Variants in LRFN2 observed in about 807,000 individuals in gnomAD.
LRFN2 encodes the protein leucine rich repeat and fibronectin type III domain containing 2.
Under a neutral mutation model 37.3 loss-of-function variants are expected in LRFN2, and 18 were observed. The observed-to-expected ratio is 0.48, with a 90% CI of 0.33 to 0.72. The LOEUF (loss-of-function observed/expected upper bound fraction) is 0.72, where lower values mean the gene tolerates loss of function less well. Ranked by LOEUF, LRFN2 falls within the 30% of genes least tolerant of loss-of-function variation. The pLI, the probability that LRFN2 is intolerant of heterozygous loss-of-function variation, is 0.02. For missense variants in LRFN2, 1,006 were observed against 1,060.7 expected (o/e 0.95, Z 0.72); for synonymous variants, 556 against 466.6 (o/e 1.19, Z -2.47).
chr6:40,541,091 T>C (rs1766547400), intron 1 of LRFN2, among the ~76,000 whole-genome samples: 1 of 152,178 alleles, frequency 6.6e-6, no homozygotes, highest in South Asian at 2.1e-4. Context: ...GGGTGAGTCC[T>C]AATTCTGCCG....
At chr6:40,471,225 G>A (rs1231736239) in intron 1 of LRFN2, among the ~76,000 whole-genome samples, 2 of 152,172 alleles carry the variant, frequency 1.3e-5, no homozygotes, top group Non-Finnish European at 2.9e-5. Context: ...CAGAACTGAA[G>A]CCAGGGTAGA....
At chr6:40,430,161 G>A (rs1186530574) in intron 2 of LRFN2, among the ~76,000 whole-genome samples, 3 of 152,182 alleles carry the variant, frequency 2.0e-5, no homozygotes, top group Admixed American at 6.5e-5. Flanking sequence ...AACTTCCGAT[G>A]CTGCTTTCTC....
intron 2 of LRFN2, among the ~76,000 whole-genome samples, chr6:40,396,200 G>A (rs1762611086): frequency 6.6e-6 from 1 of 152,166 alleles, no homozygotes; most frequent in South Asian, 2.1e-4. Flanking sequence ...GGCCATTATT[G>A]TTATTCTCAT....
chr6:40,446,525 G>T (rs1358010489), intron 1 of LRFN2, among the ~76,000 whole-genome samples: 1 of 152,196 alleles, frequency 6.6e-6, no homozygotes, highest in African/African-American at 2.4e-5. Flanking sequence ...GCTGCTGTGT[G>T]CTGTGTTCAT....
chr6:40,392,680 T>A lies in LRFN2; in HGVS notation c.1633A>T (p.Thr545Ser), dbSNP rs1762538007. Reference sequence around the variant, plus strand: ...AGGATGACGATGAAGACCAGCAGCGTGGCCACGATGATGCCCCCGATGACC... The same window carrying A: ...AGGATGACGATGAAGACCAGCAGCGAGGCCACGATGATGCCCCCGATGACC... ...ILVIGGIIVATLLVFIVILMV... is the reference protein window; with the variant it reads ...ILVIGGIIVASLLVFIVILMV... Residue 545 changes from threonine (T) to serine (S), a missense_variant, in exon 3 of 3, where the codon ACG becomes TCG. Transcript: ENST00000338305. This position sits in a 1 kb window ranked among gnomAD's most constrained non-coding sequence, Gnocchi z 4.7. 1 of 1,613,952 alleles carries A rather than the reference T, an allele frequency of 6.2e-7. No individual in the cohort carries two copies. Among genetic ancestry groups the A allele is most frequent in the Non-Finnish European group, 8.5e-7 (1 of 1,180,024 alleles).
chr6:40,423,894 AGACAGAAG>A (rs1282803224), intron 2 of LRFN2, among the ~76,000 whole-genome samples: 1 of 152,200 alleles, frequency 6.6e-6, no homozygotes, highest in Non-Finnish European at 1.5e-5. Flanking sequence ...TAGGACAGAA[AGACAGAAG>A]GAACTGGGCT....
chr6:40,391,798 AG>A lies in LRFN2; in HGVS notation c.*144del, dbSNP rs1240970597. ...GGAGGTGATGTGGGTGTTGCGGGGT[AG>A]GGGGGGACACGAGGCCATTGACAGG... is the stretch of plus-strand genomic sequence containing the variant. On this transcript the variant is annotated 3_prime_UTR_variant, in exon 3 of 3. Transcript: ENST00000338305. The A allele has an allele frequency of 6.4e-5, 48 of 754,410 alleles. No homozygotes were observed. The highest frequency in any genetic ancestry group is 8.4e-5 in the Non-Finnish European group (43 of 511,220). The allele number at this position is 754,410 out of a possible 1,614,324, so 46.7% of individuals were successfully genotyped here. A position where few individuals can be genotyped will look rare whatever the true frequency, so the allele number is the denominator to read the frequency against.
intron 1 of LRFN2, among the ~76,000 whole-genome samples, chr6:40,501,039 AT>A (rs1765370249): frequency 1.3e-5 from 2 of 151,752 alleles, no homozygotes; most frequent in Non-Finnish European, 2.9e-5. Flanking sequence ...TAAAAATGAC[AT>A]TTTAAAATAA....
At chr6:40,447,754 C>G (rs1333164771) in intron 1 of LRFN2, among the ~76,000 whole-genome samples, 6 of 152,110 alleles carry the variant, frequency 3.9e-5, no homozygotes, top group Non-Finnish European at 8.8e-5. Context: ...TGAGGCCCAT[C>G]AAGGTGTTTA....
chr6:40,425,466 T>C (rs1434474408), intron 2 of LRFN2, among the ~76,000 whole-genome samples: 3 of 152,198 alleles, frequency 2.0e-5, no homozygotes, highest in Admixed American at 1.3e-4. Context: ...CATTTAACTT[T>C]CCATGTCACC....
At chr6:40,577,108 C>CTCTTCTCTTCTCCTCT (rs150002933) in intron 1 of LRFN2, among the ~76,000 whole-genome samples, 1 of 104,682 alleles carries the variant, frequency 9.6e-6, no homozygotes. Flanking sequence ...CTTTTCCTTT[C>CTCTTCTCTTCTCCTCT]TTTTCTTTTT....
chr6:40,513,951 AG>A (rs1753873311), intron 1 of LRFN2, among the ~76,000 whole-genome samples: 1 of 151,998 alleles, frequency 6.6e-6, no homozygotes, highest in Admixed American at 6.5e-5. Context: ...AGCTATCAGG[AG>A]GGGGCCTGGC....
intron 1 of LRFN2, among the ~76,000 whole-genome samples, chr6:40,579,060 C>G (rs920571310): frequency 3.9e-5 from 6 of 152,158 alleles, no homozygotes; most frequent in Non-Finnish European, 7.3e-5. Context: ...TGAAGACTTC[C>G]CAAGCATCAG....
At chr6:40,494,266 C>T (rs1209444157) in intron 1 of LRFN2, among the ~76,000 whole-genome samples, 1 of 152,106 alleles carries the variant, frequency 6.6e-6, no homozygotes, top group African/African-American at 2.4e-5. Flanking sequence ...GGCATTGGAC[C>T]AGATCAGCAC....
At chr6:40,500,934 G>T (rs893730095) in intron 1 of LRFN2, among the ~76,000 whole-genome samples, 1 of 146,508 alleles carries the variant, frequency 6.8e-6, no homozygotes, top group East Asian at 2.0e-4. Context: ...CCTTTTGTAC[G>T]CTTCTGTGTT....
intron 1 of LRFN2, among the ~76,000 whole-genome samples, chr6:40,438,443 C>T (rs1763745386): frequency 6.6e-6 from 1 of 152,160 alleles, no homozygotes; most frequent in African/African-American, 2.4e-5. Context: ...CTTGCCCCAC[C>T]CTACCTTGTG....
At chr6:40,401,353 C>G (rs938550833) in intron 2 of LRFN2, among the ~76,000 whole-genome samples, 4 of 152,066 alleles carry the variant, frequency 2.6e-5, no homozygotes, top group Non-Finnish European at 5.9e-5. Context: ...ATCTCTGGGC[C>G]AGGTCTTCAG....
rs867955839 is a variant in LRFN2 at position 40,432,712 on chromosome 6, G to A, written c.402C>T (p.Asn134=). The A allele has an allele frequency of 3.7e-6, 6 of 1,614,060 alleles. No individual in the cohort carries two copies. Among genetic ancestry groups the A allele is most frequent in the South Asian group, 3.3e-5 (3 of 91,096 alleles). ...CCTCATCTGCGATGCCGCCCAGCTGGTTGTTGTTCACGATAAGGTGCTGCA... is the reference window on the plus strand; with the variant it reads ...CCTCATCTGCGATGCCGCCCAGCTGATTGTTGTTCACGATAAGGTGCTGCA... ...VNLQHLIVNN[N]QLGGIADEAF... Residue 134 remains asparagine, a synonymous_variant, in exon 2 of 3, where the codon AAC becomes AAT. Coordinates refer to ENST00000338305, the MANE Select transcript of LRFN2 (RefSeq NM_020737.3).
chr6:40,434,280 C>T (rs1396337063), intron 1 of LRFN2, among the ~76,000 whole-genome samples: 1 of 150,258 alleles, frequency 6.7e-6, no homozygotes, highest in East Asian at 2.0e-4. Flanking sequence ...AAATCTGACT[C>T]AAGTCTTTGC....
Sources: allele counts gnomAD v4.1 joint callset (sites outside exome capture counted in the v4.1 genomes callset), GRCh38; gene constraint gnomAD v4.1.1; non-coding constraint Gnocchi (gnomAD v3.1); transcripts MANE v1.5; gene names NCBI Gene and HGNC (gene_info 2026-07-23, HGNC 2026-07-21).